Variants in LETMD1 observed in about 807,000 individuals in gnomAD.
LETMD1 encodes LETM1 domain containing 1.
LETMD1 carries 30 observed loss-of-function variants against 43.9 expected under a neutral mutation model. The observed-to-expected ratio is 0.68, with a 90% CI of 0.51 to 0.93. The LOEUF (loss-of-function observed/expected upper bound fraction) is 0.93. Ranked by LOEUF, LETMD1 falls within the 40% of genes least tolerant of loss-of-function variation. The pLI is 0.00. For missense variants in LETMD1, 413 were observed against 447.7 expected (o/e 0.92, Z 0.70); for synonymous variants, 176 against 163.1 (o/e 1.08, Z -0.60).
chr12:51,058,444 G>T (rs1277214770), intron 8 of LETMD1: 12 of 258,186 alleles, frequency 4.6e-5, no homozygotes, highest in Non-Finnish European at 8.2e-5. Flanking sequence ...TTGAGACGGG[G>T]TTTCGCTCTT....
intron 2 of LETMD1, among the ~76,000 whole-genome samples, chr12:51,050,130 A>G (rs1945581178): frequency 2.0e-5 from 3 of 152,192 alleles, no homozygotes; most frequent in African/African-American, 7.2e-5. Context: ...TAATTTGTAG[A>G]GATAAAATTG....
the LETMD1 span, chr12:51,067,573 G>T: frequency 1.4e-4 from 161 of 1,169,104 alleles, no homozygotes; most frequent in Non-Finnish European, 1.9e-4. This position sits in a 1 kb window ranked among gnomAD's most constrained non-coding sequence, Gnocchi z 4.1. Context: ...ACAACCATAG[G>T]GAATCCACCC....
At chr12:51,053,123 A>AT (rs1267655955) in intron 3 of LETMD1, among the ~76,000 whole-genome samples, 1 of 151,914 alleles carries the variant, frequency 6.6e-6, no homozygotes, top group East Asian at 1.9e-4. Flanking sequence ...AAAAAAAAAA[A>AT]AGTCTGCAAG....
downstream of LETMD1, chr12:51,061,474 T>G (rs1006583845): frequency 6.6e-6 from 1 of 152,606 alleles, no homozygotes; most frequent in African/African-American, 2.4e-5. Flanking sequence ...CTAGCAACCA[T>G]GAGCTAGAAT....
downstream of LETMD1, chr12:51,063,367 G>C (rs1490019369): frequency 6.3e-6 from 1 of 157,768 alleles, no homozygotes; most frequent in Non-Finnish European, 1.4e-5. Context: ...ACTCTGCCTG[G>C]GGCTTGGGAG....
chr12:51,055,665 T>TAAAAAAAAAA (rs56285797), intron 4 of LETMD1, 170 bp from the exon 5 acceptor site: 2 of 150,390 alleles, frequency 1.3e-5, no homozygotes, highest in Non-Finnish European at 2.4e-5. Flanking sequence ...CCCTGTCTCT[T>TAAAAAAAAAA]AAAAAAAAAA....
intron 2 of LETMD1, chr12:51,049,392 T>C: frequency 5.8e-6 from 3 of 516,444 alleles, no homozygotes; most frequent in Non-Finnish European, 1.0e-5. Flanking sequence ...AAACAACTTA[T>C]GACAGCAACA....
intron 2 of LETMD1, 106 bp from the exon 3 acceptor site, chr12:51,051,986 G>A (rs1946307940): frequency 1.1e-6 from 1 of 925,944 alleles, no homozygotes; most frequent in Non-Finnish European, 1.6e-6. Context: ...AGTATCGTTG[G>A]GGAGGGGTGA....
intron 1 of LETMD1, 54 bp from the exon 2 acceptor site, chr12:51,048,980 G>C (rs777433062): frequency 6.6e-7 from 1 of 1,524,432 alleles, no homozygotes; most frequent in Non-Finnish European, 8.9e-7. Context: ...GACTCAAGGC[G>C]TGAGGGAGCT....
rs2136742169 is a variant in LETMD1 at position 51,058,269 on chromosome 12, C to A, written c.1012+141C>A. On this transcript the variant is annotated intron_variant, in intron 8 of 8. Coordinates refer to ENST00000262055, the MANE Select transcript of LETMD1 (RefSeq NM_015416.5). ...AATTGAAAGGGCACAAACTCACATG[C>A]CTACTGCATGCCCGGCAGGTAACGA... 2.2e-5 allele frequency: 14 copies of A among 644,840 alleles called. No individual in the cohort carries two copies. In the South Asian group the frequency reaches 2.5e-4, roughly 12 times the overall value. 39.9% of individuals were successfully genotyped at this position (644,840 alleles called of 1,614,324 possible).
At chr12:51,054,240 T>C (rs1241562398) in intron 4 of LETMD1, among the ~76,000 whole-genome samples, 1 of 152,242 alleles carries the variant, frequency 6.6e-6, no homozygotes, top group Non-Finnish European at 1.5e-5. Flanking sequence ...AAAAATGACA[T>C]TTCTTAACTG....
chr12:51,067,277 T>C, the LETMD1 span, among the ~76,000 whole-genome samples: 2 of 152,076 alleles, frequency 1.3e-5, no homozygotes, highest in South Asian at 4.1e-4. The surrounding 1 kb of genome is among the most constrained non-coding windows in gnomAD (Gnocchi z 4.1). Flanking sequence ...TCTTATCACC[T>C]CTGAGAAATG....
chr12:51,052,435 T>G, intron 3 of LETMD1: 1 of 491,468 alleles, frequency 2.0e-6, no homozygotes, highest in Non-Finnish European at 3.6e-6. Flanking sequence ...CTGGCACACT[T>G]TCTGAATGAA....
At chr12:51,057,305 C>G (rs918162500) in intron 7 of LETMD1, among the ~76,000 whole-genome samples, 1 of 152,064 alleles carries the variant, frequency 6.6e-6, no homozygotes, top group Non-Finnish European at 1.5e-5. Flanking sequence ...CTATGTTGCC[C>G]AGGCTGGTCT....
the LETMD1 span, among the ~76,000 whole-genome samples, chr12:51,067,229 T>C: frequency 6.7e-6 from 1 of 150,236 alleles, no homozygotes. This position sits in a 1 kb window ranked among gnomAD's most constrained non-coding sequence, Gnocchi z 4.1. Flanking sequence ...AAATGTTAAA[T>C]GTACTAACTC....
At chr12:51,052,285 C>G in intron 3 of LETMD1, 78 bp downstream of exon 3, 2 of 1,544,792 alleles carry the variant, frequency 1.3e-6, no homozygotes, top group Non-Finnish European at 1.8e-6. Context: ...TTTTTTCTTT[C>G]ATTTGTTGTT....
At chr12:51,064,131 G>A, downstream of LETMD1, 1 of 1,614,136 alleles carries the variant, frequency 6.2e-7, no homozygotes, top group Non-Finnish European at 8.5e-7. Context: ...ATAGACCAGG[G>A]GCCCACTGTT....
intron 1 of LETMD1, 86 bp downstream of exon 1, chr12:51,048,564 T>C: frequency 6.5e-7 from 1 of 1,530,012 alleles, no homozygotes; most frequent in Admixed American, 1.7e-5. Flanking sequence ...CTCTTAATTC[T>C]CAGAGTTCCA....
chr12:51,048,239 C>G (rs1189359914), upstream of LETMD1: 1 of 1,340,960 alleles, frequency 7.5e-7, no homozygotes, highest in Admixed American at 1.7e-5. Context: ...TGGAGCCAAG[C>G]AGGCTATGGC....
Sources: allele counts gnomAD v4.1 joint callset (sites outside exome capture counted in the v4.1 genomes callset), GRCh38; gene constraint gnomAD v4.1.1; non-coding constraint Gnocchi (gnomAD v3.1); transcripts MANE v1.5; gene names NCBI Gene and HGNC (gene_info 2026-07-23, HGNC 2026-07-21).